The following CCSER1 variants were observed in gnomAD, a reference collection of about 807,000 sequenced individuals.
CCSER1 encodes the protein serine-rich coiled-coil domain-containing protein 1.
Under a neutral mutation model 82.0 loss-of-function variants are expected in CCSER1, and 41 were observed. The ratio of observed to expected loss-of-function variants is 0.50; its 90% CI spans 0.39 to 0.65. The LOEUF is 0.65. Ranked by LOEUF, CCSER1 falls within the 30% of genes least tolerant of loss-of-function variation. The pLI, the probability that CCSER1 is intolerant of heterozygous loss-of-function variation, is 0.00. For missense variants in CCSER1, 1,119 were observed against 1,064.2 expected (o/e 1.05, Z -0.72); for synonymous variants, 414 against 383.9 (o/e 1.08, Z -0.92).
At chr4:90,298,231 T>C (rs1302677994) in intron 1 of CCSER1, among the ~76,000 whole-genome samples, 7 of 152,160 alleles carry the variant, frequency 4.6e-5, no homozygotes, top group Admixed American at 2.0e-4. Flanking sequence ...GGAGGGTGTA[T>C]GTGTCGAGGA....
At chr4:90,136,165 T>C (rs1398029077) in intron 1 of CCSER1, among the ~76,000 whole-genome samples, 1 of 152,120 alleles carries the variant, frequency 6.6e-6, no homozygotes, top group African/African-American at 2.4e-5. Flanking sequence ...AGTTCATTAG[T>C]GAAATTTAGT....
chr4:90,827,869 C>A (rs1348723717), intron 8 of CCSER1, among the ~76,000 whole-genome samples: 2 of 152,070 alleles, frequency 1.3e-5, no homozygotes, highest in East Asian at 3.9e-4. Context: ...CAACTGAATA[C>A]CCTAAAACCA....
intron 10 of CCSER1, among the ~76,000 whole-genome samples, chr4:91,542,403 G>A (rs917639754): frequency 1.2e-4 from 19 of 152,044 alleles, no homozygotes; most frequent in African/African-American, 4.6e-4. Flanking sequence ...ATTAATTTTT[G>A]TATTAGGTGT....
At position 91,171,783 on chromosome 4, in the gene CCSER1, C is replaced by A. The variant is rs112932527; in HGVS notation, c.2217+85789C>A. Among the ~76,000 whole-genome samples, 1,326 of 151,992 alleles carry A rather than the reference C, an allele frequency of 8.7e-3. 18 individuals carry two copies. Among genetic ancestry groups the A allele is most frequent in the African/African-American group, 0.03 (1,241 of 41,458 alleles). Reference sequence around the variant, plus strand: ...TGACAATTGGATATAATAAAATAATCTAGTATACATAATTATTTTGTTAAC... The same window carrying A: ...TGACAATTGGATATAATAAAATAATATAGTATACATAATTATTTTGTTAAC... On this transcript the variant is annotated intron_variant, in intron 10 of 10. Coordinates refer to ENST00000509176, the MANE Select transcript of CCSER1 (RefSeq NM_001145065.2).
chr4:90,850,104 G>C (rs1260406831), intron 8 of CCSER1, among the ~76,000 whole-genome samples: 2 of 152,188 alleles, frequency 1.3e-5, no homozygotes, highest in African/African-American at 4.8e-5. Flanking sequence ...TTGCTTCAGA[G>C]GGTTCAAGCC....
intron 9 of CCSER1, among the ~76,000 whole-genome samples, chr4:91,033,233 G>T (rs1156588798): frequency 6.6e-6 from 1 of 152,120 alleles, no homozygotes; most frequent in Non-Finnish European, 1.5e-5. Flanking sequence ...GACAGAGTTG[G>T]GGCAGCTGGA....
chr4:91,485,410 G>A (rs1239404333), intron 10 of CCSER1, among the ~76,000 whole-genome samples: 2 of 152,056 alleles, frequency 1.3e-5, no homozygotes, highest in Admixed American at 1.3e-4. Context: ...GTGGCACAAA[G>A]ATAATAGAAT....
At chr4:91,164,715 A>G (rs1581685991) in intron 10 of CCSER1, among the ~76,000 whole-genome samples, 2 of 151,974 alleles carry the variant, frequency 1.3e-5, no homozygotes, top group Admixed American at 1.3e-4. Context: ...CTTCCACTTG[A>G]TTGAATTGGC....
chr4:90,823,313 A>G (rs1403262260), intron 8 of CCSER1, among the ~76,000 whole-genome samples: 2 of 152,156 alleles, frequency 1.3e-5, no homozygotes, highest in Admixed American at 1.3e-4. Flanking sequence ...CCTTTAATAA[A>G]CAATGCATTT....
chr4:91,472,722 T>C (rs894527462), intron 10 of CCSER1, among the ~76,000 whole-genome samples: 2 of 152,134 alleles, frequency 1.3e-5, no homozygotes, highest in African/African-American at 2.4e-5. Context: ...TTGAATAATA[T>C]AGAGACAGAA....
chr4:90,497,771 G>T (rs549357605), intron 5 of CCSER1, among the ~76,000 whole-genome samples: 16 of 152,160 alleles, frequency 1.1e-4, no homozygotes, highest in African/African-American at 3.9e-4. Flanking sequence ...GAATAACTGT[G>T]GTTCTGTTTT....
intron 10 of CCSER1, among the ~76,000 whole-genome samples, chr4:91,335,893 A>G (rs1461273886): frequency 6.6e-6 from 1 of 152,074 alleles, no homozygotes; most frequent in Non-Finnish European, 1.5e-5. Context: ...TTTTGTATAC[A>G]TTTACGTTTT....
intron 3 of CCSER1, among the ~76,000 whole-genome samples, chr4:90,329,239 A>G (rs980898135): frequency 6.6e-6 from 1 of 151,312 alleles, no homozygotes; most frequent in Non-Finnish European, 1.5e-5. Flanking sequence ...AGAATGATTG[A>G]TTTGGGAAAG....
chr4:91,196,842 A>G (rs1448200607), intron 10 of CCSER1, among the ~76,000 whole-genome samples: 1 of 152,200 alleles, frequency 6.6e-6, no homozygotes, highest in Non-Finnish European at 1.5e-5. Flanking sequence ...ATTTCCTGTT[A>G]TCTAAAATCT....
chr4:90,956,961 T>C (rs1281579470), intron 9 of CCSER1, among the ~76,000 whole-genome samples: 1 of 142,162 alleles, frequency 7.0e-6, no homozygotes, highest in Non-Finnish European at 1.6e-5. Context: ...TTTTTTTTTG[T>C]AGAGACAGGA....
At chr4:90,434,589 A>C (rs553731313) in intron 4 of CCSER1, among the ~76,000 whole-genome samples, 1 of 152,272 alleles carries the variant, frequency 6.6e-6, no homozygotes, top group East Asian at 1.9e-4. Context: ...GCACCATATT[A>C]AAGGCAGAGA....
chr4:90,348,927 G>A (rs181932959), intron 3 of CCSER1, among the ~76,000 whole-genome samples: 8 of 152,134 alleles, frequency 5.3e-5, no homozygotes, highest in Admixed American at 5.2e-4. Flanking sequence ...TAATCTCTGA[G>A]TTTATAGAAG....
intron 7 of CCSER1, among the ~76,000 whole-genome samples, chr4:90,750,034 G>T (rs1748319959): frequency 1.3e-5 from 2 of 152,110 alleles, no homozygotes; most frequent in Admixed American, 1.3e-4. Flanking sequence ...GTATTTCTCT[G>T]ATGGCCAGTG....
At chr4:91,116,551 C>T (rs1438350635) in intron 10 of CCSER1, among the ~76,000 whole-genome samples, 2 of 152,182 alleles carry the variant, frequency 1.3e-5, no homozygotes, top group Non-Finnish European at 2.9e-5. Flanking sequence ...GTGGTATCTA[C>T]TTCATAGAGT....
Sources: allele counts gnomAD v4.1 joint callset (sites outside exome capture counted in the v4.1 genomes callset), GRCh38; gene constraint gnomAD v4.1.1; transcripts MANE v1.5; gene names NCBI Gene and HGNC (gene_info 2026-07-23, HGNC 2026-07-21).